The following IFRD1 variants were observed in gnomAD, a reference collection of about 807,000 sequenced individuals.
The protein encoded by IFRD1 is interferon related developmental regulator 1.
IFRD1 carries 35 observed loss-of-function variants against 52.9 expected under a neutral mutation model. The observed-to-expected ratio is 0.66, with a 90% CI of 0.51 to 0.88. IFRD1 has a LOEUF of 0.88. Among genes scored for constraint, IFRD1 ranks in the 40% least tolerant of loss-of-function variants. The probability of loss-of-function intolerance (pLI) is 0.00; values close to 1 mark genes in which losing one functional copy is unlikely to be tolerated. For synonymous variants in IFRD1, 184 were observed against 188.4 expected, an observed-to-expected ratio of 0.98 and a Z score of 0.19; for missense variants, 517 against 550.8, an observed-to-expected ratio of 0.94 and a Z score of 0.61.
At chr7:112,451,025 C>T (rs754672015) in intron 1 of IFRD1, 12 of 552,688 alleles carry the variant, frequency 2.2e-5, no homozygotes, top group South Asian at 8.1e-5. Flanking sequence ...GGAACGGGTC[C>T]TTGGGCCTGA....
At chr7:112,455,415 G>A (rs1795265714) in intron 1 of IFRD1, among the ~76,000 whole-genome samples, 1 of 152,072 alleles carries the variant, frequency 6.6e-6, no homozygotes, top group Non-Finnish European at 1.5e-5. Context: ...AACCCAGGAG[G>A]TGGAGGTTAC....
intron 1 of IFRD1, among the ~76,000 whole-genome samples, chr7:112,444,678 ACT>A (rs983322196): frequency 7.2e-5 from 11 of 152,172 alleles, no homozygotes; most frequent in Middle Eastern, 6.8e-3. Flanking sequence ...GGGTGAAGAG[ACT>A]CTAAAAAAAA....
At chr7:112,468,842 A>G (rs937832554) in intron 9 of IFRD1, among the ~76,000 whole-genome samples, 3 of 152,230 alleles carry the variant, frequency 2.0e-5, no homozygotes, top group Non-Finnish European at 2.9e-5. Context: ...AAACCGAAAT[A>G]ACAAAACCCA....
Position 112,472,840 on chromosome 7 carries a change from G to A in IFRD1, c.1245G>A (p.Met415Ile). ...VMLDAATLKT[M>I]KISRFERHLY... ...TTGATGCTGCAACGCTTAAAACGAT[G>A]AAGATTTCTCGTTTCGAAAGGGTAG... is the stretch of plus-strand genomic sequence containing the variant. The change falls in exon 11 of 12, where the codon ATG (methionine) becomes ATA (isoleucine). Residue 415 changes from methionine to isoleucine, a missense_variant. By Grantham distance (10) the Met-to-Ile change is conservative. Transcript: ENST00000403825. 1 of 1,612,068 alleles carries A rather than the reference G, an allele frequency of 6.2e-7. No homozygotes were observed. The highest frequency in any genetic ancestry group is 1.1e-5 in the South Asian group (1 of 91,048).
chr7:112,462,629 G>T (rs980335487), intron 8 of IFRD1, among the ~76,000 whole-genome samples: 1 of 152,070 alleles, frequency 6.6e-6, no homozygotes, highest in Non-Finnish European at 1.5e-5. Flanking sequence ...GAAGTTTAGG[G>T]ATCCTCATGG....
intron 5 of IFRD1, among the ~76,000 whole-genome samples, chr7:112,460,071 C>A (rs1052707598): frequency 6.6e-6 from 1 of 152,114 alleles, no homozygotes; most frequent in African/African-American, 2.4e-5. Flanking sequence ...TGACAGAAAA[C>A]ACTCTGCTGG....
intron 5 of IFRD1, 101 bp downstream of exon 5, chr7:112,459,119 A>G: frequency 9.9e-7 from 1 of 1,010,728 alleles, no homozygotes; most frequent in Non-Finnish European, 1.5e-6. Flanking sequence ...CTGAGGCAAG[A>G]GAGAGGATCT....
At position 112,450,659 on chromosome 7, in the gene IFRD1, C is replaced by G. The variant is rs769690310; in HGVS notation, c.-30C>G. On this transcript the variant is annotated 5_prime_UTR_variant, in exon 1 of 12. Coordinates refer to ENST00000403825, the MANE Select transcript of IFRD1 (RefSeq NM_001550.4). ...TCCATCGGCTGATCCTCGCTAAGCT[C>G]CGACTCTGGGCGGCACCGGGCGTCC... The G allele has an allele frequency of 4.4e-6, 7 of 1,581,450 alleles. No individual in the cohort carries two copies. The highest frequency in any genetic ancestry group is 6.1e-6 in the Non-Finnish European group (7 of 1,151,574).
At chr7:112,459,622 G>A (rs1158585738) in intron 5 of IFRD1, among the ~76,000 whole-genome samples, 1 of 152,110 alleles carries the variant, frequency 6.6e-6, no homozygotes, top group Non-Finnish European at 1.5e-5. Context: ...CTTAAGGTAA[G>A]TAATAATGTT....
intron 1 of IFRD1, among the ~76,000 whole-genome samples, chr7:112,431,948 A>C (rs772283950): frequency 1.3e-5 from 2 of 152,214 alleles, no homozygotes; most frequent in Non-Finnish European, 2.9e-5. Context: ...CTATGTGCTC[A>C]ATACATATTT....
upstream of IFRD1, among the ~76,000 whole-genome samples, chr7:112,447,584 G>C (rs1584481437): frequency 6.6e-6 from 1 of 152,208 alleles, no homozygotes; most frequent in East Asian, 1.9e-4. Flanking sequence ...AGTTTCTAGG[G>C]AGTGTGGTCT....
intron 1 of IFRD1, among the ~76,000 whole-genome samples, chr7:112,436,451 AGTTTT>A (rs1179415624): frequency 6.6e-6 from 1 of 152,146 alleles, no homozygotes. Context: ...AATGGGTGGC[AGTTTT>A]TCTTGGCCTA....
chr7:112,445,785 C>T (rs1795014606), upstream of IFRD1, among the ~76,000 whole-genome samples: 1 of 152,164 alleles, frequency 6.6e-6, no homozygotes, highest in Admixed American at 6.5e-5. Flanking sequence ...CACAAAGGTG[C>T]TACATGTGTG....
In IFRD1 at chr7:112,462,042, T is replaced by G. The variant is rs762392036; in HGVS notation, c.660T>G (p.Thr220=). The G allele has an allele frequency of 3.1e-6, 5 of 1,613,304 alleles. No individual in the cohort carries two copies. In the South Asian group the frequency reaches 5.5e-5, roughly 18 times the overall value. The change falls in exon 7 of 12, where the codon ACT becomes ACG. Residue 220 remains threonine (T), a synonymous_variant. Coordinates refer to ENST00000403825, the MANE Select transcript of IFRD1 (RefSeq NM_001550.4). ...STLECLENIF[T]KSYLKEKDTT... Reference sequence around the variant, plus strand: ...TGGAATGTTTGGAAAATATCTTCACTAAATCCTATCTCAAAGAGAAAGACA... The same window carrying G: ...TGGAATGTTTGGAAAATATCTTCACGAAATCCTATCTCAAAGAGAAAGACA...
intron 9 of IFRD1, among the ~76,000 whole-genome samples, chr7:112,469,733 A>G (rs867537427): frequency 3.3e-5 from 5 of 152,196 alleles, no homozygotes; most frequent in Admixed American, 6.5e-5. Flanking sequence ...ATTCAGAGGA[A>G]GACACAAGTG....
intron 8 of IFRD1, among the ~76,000 whole-genome samples, chr7:112,463,894 A>ACACCC (rs1554508602): frequency 1.1e-4 from 2 of 17,580 alleles, no homozygotes; most frequent in African/African-American, 2.7e-4. Context: ...ACACACACAC[A>ACACCC]CCCCACGTAT....
intron 5 of IFRD1, 174 bp from the exon 6 acceptor site, chr7:112,461,692 C>T: frequency 2.5e-6 from 1 of 400,766 alleles, no homozygotes; most frequent in Non-Finnish European, 4.4e-6. Context: ...AACGCACTTC[C>T]TTTGATCTTA....
chr7:112,447,762 A>G (rs901560429), upstream of IFRD1, among the ~76,000 whole-genome samples: 2 of 152,240 alleles, frequency 1.3e-5, no homozygotes, highest in Non-Finnish European at 2.9e-5. Flanking sequence ...CCACTGTCCC[A>G]TGAGGAGGTG....
Position 112,472,365 on chromosome 7 carries a change from T to C in IFRD1, c.1170+18T>C. On this transcript the variant is annotated intron_variant, in intron 10 of 11. Transcript: ENST00000403825. The stretch of plus-strand genomic sequence containing the variant: ...ACTTGCAGGTAAGTGTCATCCTTTC[T>C]ACATATTTGCTTTTAAAGTAGGGAG... The C allele has an allele frequency of 6.2e-7, 1 of 1,613,854 alleles. No homozygotes were observed. The highest frequency in any genetic ancestry group is 8.5e-7 in the Non-Finnish European group (1 of 1,179,784).
Sources: gnomAD v4.1 joint callset for allele counts (sites outside exome capture counted in the v4.1 genomes callset) on GRCh38, gnomAD v4.1.1 for gene constraint, MANE v1.5 for transcripts, NCBI Gene and HGNC (gene_info 2026-07-23, HGNC 2026-07-21) for gene names.